Variants in AKT3 observed in about 807,000 individuals in gnomAD.
AKT3 encodes the protein RAC-gamma serine/threonine-protein kinase.
Under a neutral mutation model 65.3 loss-of-function variants are expected in AKT3, and 15 were observed. The observed-to-expected ratio is 0.23, with a 90% CI of 0.15 to 0.35. The LOEUF (loss-of-function observed/expected upper bound fraction) is 0.35, where lower values mean the gene tolerates loss of function less well. Ranked by LOEUF, AKT3 falls within the 10% of genes least tolerant of loss-of-function variation. The pLI, the probability that AKT3 is intolerant of heterozygous loss-of-function variation, is 1.00. For synonymous variants in AKT3, 206 were observed against 183.8 expected (o/e 1.12, Z -0.98); for missense variants, 243 against 576.5 (o/e 0.42, Z 5.92).
At chr1:243,622,270 TCTC>T (rs1678813875) in intron 6 of AKT3, among the ~76,000 whole-genome samples, 1 of 152,218 alleles carries the variant, frequency 6.6e-6, no homozygotes, top group African/African-American at 2.4e-5. Context: ...TGCTTCCTGA[TCTC>T]CTTCAAATGC....
chr1:243,836,787 G>A (rs1694920631), intron 2 of AKT3, among the ~76,000 whole-genome samples: 1 of 151,680 alleles, frequency 6.6e-6, no homozygotes, highest in East Asian at 1.9e-4. Context: ...GCACATGACT[G>A]TAAATCCCAG....
At chr1:243,750,208 C>G (rs1183242213) in intron 2 of AKT3, among the ~76,000 whole-genome samples, 1 of 152,124 alleles carries the variant, frequency 6.6e-6, no homozygotes, top group East Asian at 1.9e-4. Flanking sequence ...TGCTTTAACC[C>G]TACTTGGTTA....
intron 2 of AKT3, among the ~76,000 whole-genome samples, chr1:243,758,058 C>A (rs1312012750): frequency 2.0e-5 from 3 of 152,308 alleles, no homozygotes; most frequent in African/African-American, 7.2e-5. Flanking sequence ...CCACCACACC[C>A]AGCTATCTAA....
rs115116677 is a variant in AKT3 at position 243,565,443 on chromosome 1, T to C, written c.820-1595A>G. On this transcript the variant is annotated intron_variant, in intron 9 of 13. Coordinates refer to ENST00000673466, the MANE Select transcript of AKT3 (RefSeq NM_005465.7). ...TCTCACTTTGCTGCCCAAGTTGGTC[T>C]TGACCTGCTGGGTTCAAGCAATCCA... Among the ~76,000 whole-genome samples the C allele has an allele frequency of 4.8e-3, 727 of 152,274 alleles. 7 individuals carry two copies. Among genetic ancestry groups the C allele is most frequent in the African/African-American group, 0.017 (703 of 41,552 alleles).
chr1:243,578,385 G>A (rs1270989859), intron 8 of AKT3, among the ~76,000 whole-genome samples: 1 of 152,152 alleles, frequency 6.6e-6, no homozygotes, highest in Non-Finnish European at 1.5e-5. Flanking sequence ...CCTCTGCAGG[G>A]ACATGAATGG....
rs572960154 is a variant in AKT3, at chr1:243,713,746, T to TAAAA, written c.47-18034_47-18031dup. ...TCGCTACAAGGCTGCTTTGCCTTAA[T>TAAAA]AAAAAAAAAAAAAAAAAAAAAAAAA... is the stretch of plus-strand genomic sequence containing the variant. On this transcript the variant is annotated intron_variant, in intron 2 of 13. Coordinates refer to ENST00000673466, the MANE Select transcript of AKT3 (RefSeq NM_005465.7). Among the ~76,000 whole-genome samples the TAAAA allele has an allele frequency of 7.1e-4, 59 of 82,958 alleles. 2 individuals are homozygous for TAAAA. The highest frequency in any genetic ancestry group is 7.9e-4 in the Non-Finnish European group (37 of 46,582). The allele number at this position is 82,958 out of a possible 152,430, so 54.4% of individuals were successfully genotyped here. A position where few individuals can be genotyped will look rare whatever the true frequency, so the allele number is the denominator to read the frequency against.
chr1:243,601,781 T>C (rs1248673862), intron 8 of AKT3, among the ~76,000 whole-genome samples: 1 of 152,188 alleles, frequency 6.6e-6, no homozygotes, highest in African/African-American at 2.4e-5. Flanking sequence ...TTAAAAGTAT[T>C]ATGCTAAGTG....
intron 11 of AKT3, among the ~76,000 whole-genome samples, chr1:243,548,780 AAGG>A (rs1299509914): frequency 6.6e-6 from 1 of 152,200 alleles, no homozygotes; most frequent in African/African-American, 2.4e-5. Flanking sequence ...TAGGAAGATA[AAGG>A]AGGGGCTAAC....
intron 4 of AKT3, 100 bp downstream of exon 4, chr1:243,664,672 A>T (rs910616977): frequency 9.8e-6 from 4 of 410,138 alleles, no homozygotes; most frequent in South Asian, 5.8e-5. Context: ...CATTTAAAAA[A>T]ATATATTTAT....
At chr1:243,720,429 T>TAAAA (rs66716743) in intron 2 of AKT3, among the ~76,000 whole-genome samples, 3 of 96,042 alleles carry the variant, frequency 3.1e-5, no homozygotes, top group Admixed American at 9.6e-5. Context: ...AAAGACATAG[T>TAAAA]AAAAAAAAAA....
chr1:243,701,393 G>C (rs1685451390), intron 2 of AKT3, among the ~76,000 whole-genome samples: 1 of 152,172 alleles, frequency 6.6e-6, no homozygotes, highest in African/African-American at 2.4e-5. Context: ...AAGATGTGAA[G>C]TGAGCTGGGT....
At chr1:243,757,592 C>T (rs980601402) in intron 2 of AKT3, among the ~76,000 whole-genome samples, 44 of 151,868 alleles carry the variant, frequency 2.9e-4, no homozygotes, top group African/African-American at 8.7e-4. Flanking sequence ...CACTCCAGCC[C>T]AGGCAGCAAA....
chr1:243,827,746 G>C (rs1182343528), intron 2 of AKT3, among the ~76,000 whole-genome samples: 1 of 152,046 alleles, frequency 6.6e-6, no homozygotes, highest in East Asian at 1.9e-4. Context: ...AAAAATATAG[G>C]AGCAGTATCA....
chr1:243,666,250 C>T (rs1265541647), intron 3 of AKT3, among the ~76,000 whole-genome samples: 7 of 152,028 alleles, frequency 4.6e-5, no homozygotes, highest in South Asian at 2.1e-4. Context: ...GTGATCCGCC[C>T]GCCTCGGCCT....
chr1:243,631,652 G>C (rs988135503), intron 6 of AKT3, among the ~76,000 whole-genome samples: 1 of 152,170 alleles, frequency 6.6e-6, no homozygotes, highest in Non-Finnish European at 1.5e-5. Context: ...TCCAAGAAAG[G>C]CTTTCTCTTT....
intron 12 of AKT3, among the ~76,000 whole-genome samples, chr1:243,532,125 T>C (rs1176113448): frequency 6.6e-6 from 1 of 152,244 alleles, no homozygotes; most frequent in African/African-American, 2.4e-5. Flanking sequence ...TTAACTCCTC[T>C]GGCTACAGCT....
chr1:243,606,814 C>T (rs762727590), intron 8 of AKT3, among the ~76,000 whole-genome samples: 2 of 152,220 alleles, frequency 1.3e-5, no homozygotes, highest in Non-Finnish European at 2.9e-5. Flanking sequence ...AGGGCCAGGG[C>T]CCAAAAGCAG....
chr1:243,843,096 G>A (rs41267521), intron 2 of AKT3, 29 bp downstream of exon 2: 103 of 1,611,410 alleles, frequency 6.4e-5, no homozygotes, highest in Non-Finnish European at 8.3e-5. Flanking sequence ...CTTACCAACC[G>A]TATTATTTTT....
chr1:243,734,889 C>T (rs1379060508), intron 2 of AKT3: 1 of 152,016 alleles, frequency 6.6e-6, no homozygotes, highest in Non-Finnish European at 1.5e-5. Flanking sequence ...AAGCTTTTTT[C>T]TACTTAAATT....
Sources: allele counts gnomAD v4.1 joint callset (sites outside exome capture counted in the v4.1 genomes callset), GRCh38; gene constraint gnomAD v4.1.1; transcripts MANE v1.5; gene names NCBI Gene and HGNC (gene_info 2026-07-23, HGNC 2026-07-21).